FBLN1: variants seen among roughly 807,000 people sequenced by gnomAD.
The protein encoded by FBLN1 is fibulin 1, also known as fibulin-1.
FBLN1 carries 34 observed loss-of-function variants against 89.7 expected under a neutral mutation model. That is an observed-to-expected ratio of 0.38 (90% CI 0.29 to 0.50). FBLN1 has a LOEUF of 0.50. Among genes scored for constraint, FBLN1 ranks in the 20% least tolerant of loss-of-function variants. The pLI, the probability that FBLN1 is intolerant of heterozygous loss-of-function variation, is 0.92. For synonymous variants in FBLN1, 393 were observed against 391.3 expected (o/e 1.00, Z -0.05); for missense variants, 777 against 988.1 (o/e 0.79, Z 2.86).
chr22:45,554,971 G>A (rs1311712709), intron 14 of FBLN1, among the ~76,000 whole-genome samples: 1 of 145,544 alleles, frequency 6.9e-6, no homozygotes, highest in Non-Finnish European at 1.5e-5. Flanking sequence ...TCCTATACAG[G>A]AAGTTAGGAC....
rs2088787535 is a variant in FBLN1 at position 45,556,314 on chromosome 22, G to A, written c.1697+5699G>A. 6.6e-6 allele frequency among the ~76,000 whole-genome samples: 1 copy of A among 152,164 alleles called. No homozygotes were observed. The highest frequency in any genetic ancestry group is 2.1e-4 in the South Asian group (1 of 4,832). ...CCTGGCCATGTTTTTAAAAGAAGGA[G>A]GAAATACTCACGACAATTACAGTCC... On this transcript the variant is annotated intron_variant, in intron 14 of 16. Coordinates refer to ENST00000327858, the MANE Select transcript of FBLN1 (RefSeq NM_006486.3). This position sits in a 1 kb window ranked among gnomAD's most constrained non-coding sequence, Gnocchi z 4.6.
At chr22:45,527,708 G>T in intron 3 of FBLN1, 139 bp from the exon 4 acceptor site, 1 of 793,480 alleles carries the variant, frequency 1.3e-6, no homozygotes, top group South Asian at 1.4e-5. Flanking sequence ...TTTAGAAGTG[G>T]TATCTAAGCC....
intron 1 of FBLN1, among the ~76,000 whole-genome samples, chr22:45,514,805 T>G (rs1301275602): frequency 6.6e-6 from 1 of 152,098 alleles, no homozygotes; most frequent in Non-Finnish European, 1.5e-5. Flanking sequence ...CGAAGGAGGT[T>G]TTAATTCAGG....
chr22:45,600,403 A>T lies in FBLN1; in HGVS notation c.2069A>T (p.Asn690Ile). Residue 690 changes from asparagine to isoleucine, a missense_variant, in exon 17 of 17, where the codon AAT becomes ATT. Coordinates refer to ENST00000327858, the MANE Select transcript of FBLN1 (RefSeq NM_006486.3). ...GTCGGGGGCGTGGTCTCCCACCGAAATGTTGTCAACGTCCACATCTTCGTC... is the reference window on the plus strand; with the variant it reads ...GTCGGGGGCGTGGTCTCCCACCGAATTGTTGTCAACGTCCACATCTTCGTC... ...YVVGGVVSHR[N>I]VVNVHIFVSE... 1 of 1,614,158 alleles carries T rather than the reference A, an allele frequency of 6.2e-7. No individual in the cohort carries two copies. Among genetic ancestry groups the T allele is most frequent in the Middle Eastern group, 1.6e-4 (1 of 6,062 alleles).
intron 13 of FBLN1, among the ~76,000 whole-genome samples, chr22:45,548,970 C>T (rs914238252): frequency 4.1e-4 from 62 of 152,238 alleles, no homozygotes; most frequent in African/African-American, 1.4e-3. Flanking sequence ...TCTGGATTGT[C>T]TGAGCCTGTG....
chr22:45,539,123 C>T (rs1427547202), intron 8 of FBLN1, among the ~76,000 whole-genome samples: 2 of 126,206 alleles, frequency 1.6e-5, no homozygotes, highest in East Asian at 5.3e-4. Flanking sequence ...TCCCCTCCCC[C>T]TCCCCTCCCA....
chr22:45,517,859 G>A (rs765573781), intron 1 of FBLN1, among the ~76,000 whole-genome samples: 2 of 151,974 alleles, frequency 1.3e-5, no homozygotes, highest in African/African-American at 2.4e-5. Flanking sequence ...GGCTGGGTGC[G>A]GTGGCTTATG....
chr22:45,538,407 C>T (rs1422633729), intron 8 of FBLN1, among the ~76,000 whole-genome samples: 1 of 152,248 alleles, frequency 6.6e-6, no homozygotes, highest in Non-Finnish European at 1.5e-5. Context: ...CTGCCCGCCT[C>T]TTGGCAGGGT....
chr22:45,517,278 C>T (rs971586570), intron 1 of FBLN1: 8 of 303,814 alleles, frequency 2.6e-5, no homozygotes, highest in African/African-American at 6.8e-5. Context: ...AACATCCTGC[C>T]GAGAGGTGAC....
At chr22:45,517,642 C>T (rs760106021) in intron 1 of FBLN1, 13 of 471,138 alleles carry the variant, frequency 2.8e-5, no homozygotes, top group South Asian at 2.0e-4. Context: ...CTTTGCCAGT[C>T]CTGTCCTCAC....
chr22:45,521,070 C>T (rs1004222558), intron 2 of FBLN1, among the ~76,000 whole-genome samples: 5 of 152,292 alleles, frequency 3.3e-5, no homozygotes, highest in Admixed American at 1.3e-4. Flanking sequence ...CCTGCCTTGG[C>T]CTCCTAAAGT....
At chr22:45,533,209 T>C (rs1198802407) in intron 6 of FBLN1, 45 bp downstream of exon 6, 1 of 1,543,206 alleles carries the variant, frequency 6.5e-7, no homozygotes, top group Admixed American at 1.7e-5. Flanking sequence ...CCGGTCACTG[T>C]GCTTGGGAGC....
intron 16 of FBLN1, among the ~76,000 whole-genome samples, chr22:45,594,326 G>C (rs368599422): frequency 1.3e-5 from 2 of 152,176 alleles, no homozygotes; most frequent in East Asian, 1.9e-4. Context: ...GACTGACGAA[G>C]TGAGGTCCTG....
chr22:45,549,863 C>A lies in FBLN1; in HGVS notation c.1574-629C>A, dbSNP rs1377640922. On this transcript the variant is annotated intron_variant, in intron 13 of 16. Transcript: ENST00000327858. The surrounding 1 kb of genome is among the most constrained non-coding windows in gnomAD (Gnocchi z 5.7). ...CCAGGAGTCCCAGACCTGGTGGTTC[C>A]AGTCCACCCTGAACAGCCACCAACC... 1.3e-5 allele frequency among the ~76,000 whole-genome samples: 2 copies of A among 152,180 alleles called. No homozygotes were observed. The highest frequency in any genetic ancestry group is 4.8e-5 in the African/African-American group (2 of 41,440).
chr22:45,509,453 T>G lies in FBLN1; in HGVS notation c.79+6389T>G, dbSNP rs369659291. Among the ~76,000 whole-genome samples, 146 of 152,220 alleles carry G rather than the reference T, an allele frequency of 9.6e-4. No individual in the cohort carries two copies. The Middle Eastern group carries it at 0.017, about 18-fold the overall frequency. ...CTCAGCAGTGGACACAGTCAGGTCTTGTGTTGGGGATGGGGCCAGGAGCCC... is the reference window on the plus strand; with the variant it reads ...CTCAGCAGTGGACACAGTCAGGTCTGGTGTTGGGGATGGGGCCAGGAGCCC... On this transcript the variant is annotated intron_variant, in intron 1 of 16. Coordinates refer to ENST00000327858, the MANE Select transcript of FBLN1 (RefSeq NM_006486.3).
rs925980778 is a variant in FBLN1, at chr22:45,562,354, G to A, written c.1697+11739G>A. Among the ~76,000 whole-genome samples, 1 of 152,338 alleles carries A rather than the reference G, an allele frequency of 6.6e-6. No homozygotes were observed. The highest frequency in any genetic ancestry group is 1.5e-5 in the Non-Finnish European group (1 of 68,034). On this transcript the variant is annotated intron_variant, in intron 14 of 16. Transcript: ENST00000327858. This position sits in a 1 kb window ranked among gnomAD's most constrained non-coding sequence, Gnocchi z 7.8. ...CTCTGTGACCTTGGGAAGTGGGAAGGCCACATTCTCTCTGAGCCTCAGTGT... is the reference window on the plus strand; with the variant it reads ...CTCTGTGACCTTGGGAAGTGGGAAGACCACATTCTCTCTGAGCCTCAGTGT...
chr22:45,529,039 A>C (rs763926115), intron 4 of FBLN1, among the ~76,000 whole-genome samples: 1 of 152,060 alleles, frequency 6.6e-6, no homozygotes, highest in Non-Finnish European at 1.5e-5. Flanking sequence ...TGGCCCCATA[A>C]ATGTCTGCCC....
Position 45,574,536 on chromosome 22 carries a change from G to T in FBLN1, c.1723G>T (p.Val575Phe), listed in dbSNP as rs1458811512. ...ATLQQEKTDT[V>F]RCIKSCRPND... ...GCTCCAGCAGGAGAAGACAGACACG[G>T]TCCGCTGCATCAAGTCCTGCCGCCC... is the stretch of plus-strand genomic sequence containing the variant. The change falls in exon 15 of 17, where the codon GTC becomes TTC. Residue 575 changes from valine (V) to phenylalanine (F), a missense_variant. Physicochemically the swap from Val to Phe is conservative, Grantham distance 50. Transcript: ENST00000327858. The surrounding 1 kb of genome is among the most constrained non-coding windows in gnomAD (Gnocchi z 4.1). 1 of 1,614,162 alleles carries T rather than the reference G, an allele frequency of 6.2e-7. No homozygotes were observed. Among genetic ancestry groups the T allele is most frequent in the South Asian group, 1.1e-5 (1 of 91,090 alleles).
chr22:45,588,529 C>A lies in FBLN1; in HGVS notation c.1972+11421C>A, dbSNP rs1157014098. On this transcript the variant is annotated intron_variant, in intron 16 of 16. Transcript: ENST00000327858. The surrounding 1 kb of genome is among the most constrained non-coding windows in gnomAD (Gnocchi z 5.1). ...TTCTTATACACACACAGAACAGATGCACCCACTGGGGTCACCCCAACCCAG... is the reference window on the plus strand; with the variant it reads ...TTCTTATACACACACAGAACAGATGAACCCACTGGGGTCACCCCAACCCAG... 4.6e-5 allele frequency among the ~76,000 whole-genome samples: 7 copies of A among 152,150 alleles called. No individual in the cohort carries two copies. Among genetic ancestry groups the A allele is most frequent in the Non-Finnish European group, 1.0e-4 (7 of 68,030 alleles).
Sources: gnomAD v4.1 joint callset for allele counts (sites outside exome capture counted in the v4.1 genomes callset) on GRCh38, gnomAD v4.1.1 for gene constraint, Gnocchi (gnomAD v3.1) non-coding constraint, MANE v1.5 for transcripts, NCBI Gene and HGNC (gene_info 2026-07-23, HGNC 2026-07-21) for gene names.